Variants in CDC42 observed in about 807,000 individuals in gnomAD.
The protein encoded by CDC42 is cell division cycle 42.
In CDC42, 1 loss-of-function variant was observed where a neutral mutation model predicts 20.8. That is an observed-to-expected ratio of 0.05 (90% CI 0.02 to 0.23). The LOEUF is 0.23. CDC42 is among the 10% of genes least tolerant of loss of function. CDC42 has a pLI of 1.00. For synonymous variants in CDC42, 72 were observed against 84.8 expected (o/e 0.85, Z 0.83); for missense variants, 49 against 227.9 (o/e 0.21, Z 5.05).
chr1:22,071,399 T>A (rs1384468464), intron 1 of CDC42, among the ~76,000 whole-genome samples: 2 of 152,178 alleles, frequency 1.3e-5, no homozygotes, highest in East Asian at 3.8e-4. Context: ...TTGTTACATG[T>A]CTTCTGTGAT....
intron 5 of CDC42, chr1:22,090,347 C>G (rs1645703318): frequency 9.4e-7 from 1 of 1,064,352 alleles, no homozygotes; most frequent in African/African-American, 1.7e-5. Context: ...GAGAAAATAA[C>G]AAGAGTTTTA....
At position 22,100,054 on chromosome 1, in the gene CDC42, G is replaced by T. The variant is rs1412054775; in HGVS notation, c.*8537G>T. ...CTTTTTTTTTTTTTTTGTATAATAG[G>T]CCTGTGAGTTGGGAAGAGCAGGGTT... is the stretch of plus-strand genomic sequence containing the variant. On this transcript the variant is annotated 3_prime_UTR_variant, in exon 6 of 6. Transcript: ENST00000656825. Among the ~76,000 whole-genome samples the T allele has an allele frequency of 2.2e-5, 3 of 139,402 alleles. No homozygotes were observed. Among genetic ancestry groups the T allele is most frequent in the South Asian group, 2.2e-4 (1 of 4,468 alleles). The allele number at this position is 139,402 out of a possible 152,430, so 91.5% of individuals were successfully genotyped here.
chr1:22,081,651 C>A, intron 2 of CDC42, 71 bp from the exon 3 acceptor site: 1 of 920,508 alleles, frequency 1.1e-6, no homozygotes, highest in Non-Finnish European at 1.8e-6. Context: ...ACTGCCTTAG[C>A]TTAAGAGTTG....
intron 1 of CDC42, among the ~76,000 whole-genome samples, chr1:22,054,288 C>G (rs1645271019): frequency 6.6e-6 from 1 of 151,842 alleles, no homozygotes. Context: ...CGATCTTGGC[C>G]CACCGCAGCC....
At chr1:22,075,772 ACACAGAGGTTGAATAG>A (rs1481306709) in intron 1 of CDC42, among the ~76,000 whole-genome samples, 2 of 152,202 alleles carry the variant, frequency 1.3e-5, no homozygotes, top group African/African-American at 4.8e-5. Context: ...AGGTTGAATA[ACACAGAGGTTGAATAG>A]CTAGAGTGTG....
intron 1 of CDC42, among the ~76,000 whole-genome samples, chr1:22,058,903 C>T (rs1195976222): frequency 6.6e-6 from 1 of 152,144 alleles, no homozygotes; most frequent in African/African-American, 2.4e-5. Flanking sequence ...TAACCTTGAA[C>T]TCCTGGGCTT....
At chr1:22,074,618 C>T (rs1645528507) in intron 1 of CDC42, among the ~76,000 whole-genome samples, 2 of 152,112 alleles carry the variant, frequency 1.3e-5, no homozygotes, top group South Asian at 4.1e-4. Context: ...CAGGTCTTAA[C>T]TATGTTGCCC....
chr1:22,074,304 C>T (rs889673673), intron 1 of CDC42: 1 of 152,274 alleles, frequency 6.6e-6, no homozygotes, highest in African/African-American at 2.4e-5. Context: ...TCTCCATCTC[C>T]TGACCTTGTG....
intron 1 of CDC42, among the ~76,000 whole-genome samples, chr1:22,063,387 A>G (rs1645387234): frequency 6.6e-6 from 1 of 152,104 alleles, no homozygotes; most frequent in Non-Finnish European, 1.5e-5. Context: ...AAATTATTGA[A>G]ATGTGTTAAA....
intron 1 of CDC42, among the ~76,000 whole-genome samples, chr1:22,067,267 T>C (rs1645434816): frequency 6.6e-6 from 1 of 152,150 alleles, no homozygotes; most frequent in Non-Finnish European, 1.5e-5. Flanking sequence ...ATTGGGGTGC[T>C]GGCGTATTTG....
At chr1:22,078,825 G>T in intron 2 of CDC42, 1 of 1,393,012 alleles carries the variant, frequency 7.2e-7, no homozygotes, top group Non-Finnish European at 9.5e-7. Flanking sequence ...CAGTAGACAA[G>T]ATTCTAACGA....
chr1:22,092,431 C>T lies in CDC42; in HGVS notation c.*914C>T, dbSNP rs569208845. ...TCCCTTTCAGTCATTGTCTTATATG[C>T]TTAGCATAGATTTGCAGCTCAGTAG... On this transcript the variant is annotated 3_prime_UTR_variant, in exon 6 of 6. Transcript: ENST00000656825. 1 of 152,494 alleles carries T rather than the reference C, an allele frequency of 6.6e-6. No homozygotes were observed. The highest frequency in any genetic ancestry group is 2.4e-5 in the African/African-American group (1 of 41,382). 9.4% of individuals were successfully genotyped at this position (152,494 alleles called of 1,614,324 possible). A position where few individuals can be genotyped will look rare whatever the true frequency, so the allele number is the denominator to read the frequency against.
At chr1:22,061,855 C>A (rs1645369774) in intron 1 of CDC42, among the ~76,000 whole-genome samples, 1 of 151,840 alleles carries the variant, frequency 6.6e-6, no homozygotes, top group Non-Finnish European at 1.5e-5. Flanking sequence ...GCCACTGCGC[C>A]CGGCCTAACT....
intron 1 of CDC42, among the ~76,000 whole-genome samples, chr1:22,061,735 T>G (rs1645367421): frequency 6.6e-6 from 1 of 150,536 alleles, no homozygotes; most frequent in East Asian, 2.0e-4. Context: ...GTGGAGATGT[T>G]GGCCATCTCC....
intron 2 of CDC42, 184 bp downstream of exon 2, chr1:22,078,767 CAG>C (rs1425047220): frequency 6.8e-7 from 1 of 1,480,738 alleles, no homozygotes; most frequent in Admixed American, 2.0e-5. Flanking sequence ...AGTGGAAAGT[CAG>C]AAGGGGTGAC....
At chr1:22,073,510 G>C (rs1041996807) in intron 1 of CDC42, among the ~76,000 whole-genome samples, 1 of 151,196 alleles carries the variant, frequency 6.6e-6, no homozygotes, top group African/African-American at 2.4e-5. Flanking sequence ...TTGCACTCCA[G>C]CCTGGGTGAC....
In CDC42 at chr1:22,091,757, T is replaced by G. The variant is rs538941405; in HGVS notation, c.*240T>G. ...AGAAAAGTGATTAGTACTATTTTTT[T>G]TTGTTGTTTCAAAAAAAAAATTTTT... On this transcript the variant is annotated 3_prime_UTR_variant, in exon 6 of 6. Coordinates refer to ENST00000656825, the MANE Select transcript of CDC42 (RefSeq NM_001791.4). 71 of 297,828 alleles carry G rather than the reference T, an allele frequency of 2.4e-4. No homozygotes were observed. Among genetic ancestry groups the G allele is most frequent in the African/African-American group, 1.4e-3 (62 of 45,532 alleles). The allele number at this position is 297,828 out of a possible 1,614,324, so 18.4% of individuals were successfully genotyped here.
At chr1:22,088,405 A>G (rs189931735) in intron 5 of CDC42, among the ~76,000 whole-genome samples, 3 of 152,348 alleles carry the variant, frequency 2.0e-5, no homozygotes, top group African/African-American at 7.2e-5. Flanking sequence ...ACAGGTGTAT[A>G]TAGTAAATCC....
At chr1:22,077,656 C>G (rs1368126565) in intron 1 of CDC42, among the ~76,000 whole-genome samples, 1 of 151,958 alleles carries the variant, frequency 6.6e-6, no homozygotes, top group African/African-American at 2.4e-5. Flanking sequence ...CTAAGAGACT[C>G]AAAGATACAT....
Sources: gnomAD v4.1 joint callset for allele counts (sites outside exome capture counted in the v4.1 genomes callset) on GRCh38, gnomAD v4.1.1 for gene constraint, MANE v1.5 for transcripts, NCBI Gene and HGNC (gene_info 2026-07-23, HGNC 2026-07-21) for gene names.